The following B3GALT1 variants were observed in gnomAD, a reference collection of about 807,000 sequenced individuals.
B3GALT1 encodes the protein beta-1,3-galactosyltransferase 1, also known as UDP-Gal:betaGlcNAc beta 1,3-galactosyltransferase, polypeptide 1.
In B3GALT1, 10 loss-of-function variants were observed where a neutral mutation model predicts 23.2. The ratio of observed to expected loss-of-function variants is 0.43; its 90% confidence interval spans 0.27 to 0.73. The LOEUF (loss-of-function observed/expected upper bound fraction) is 0.73, where lower values mean the gene tolerates loss of function less well. Ranked by LOEUF, B3GALT1 falls within the 30% of genes least tolerant of loss-of-function variation. B3GALT1 has a pLI of 0.21. For synonymous variants in B3GALT1, 156 were observed against 141.5 expected (o/e 1.10, Z -0.73); for missense variants, 299 against 405.4 (o/e 0.74, Z 2.25).
At chr2:167,679,036 T>G (rs1418347958) in intron 3 of B3GALT1, among the ~76,000 whole-genome samples, 2 of 152,148 alleles carry the variant, frequency 1.3e-5, no homozygotes, top group Admixed American at 6.5e-5. Context: ...TTTATACCTA[T>G]TCTTTTGTAC....
intron 2 of B3GALT1, among the ~76,000 whole-genome samples, chr2:167,562,963 G>A (rs1410557104): frequency 2.0e-5 from 3 of 152,068 alleles, no homozygotes; most frequent in African/African-American, 7.2e-5. Flanking sequence ...CACAGGGTTG[G>A]GGGCAAGGTC....
intron 1 of B3GALT1, among the ~76,000 whole-genome samples, chr2:167,333,082 A>G (rs1696999684): frequency 6.6e-6 from 1 of 152,196 alleles, no homozygotes; most frequent in African/African-American, 2.4e-5. Context: ...AACCATGTGC[A>G]TTTACTTTCA....
chr2:167,741,806 A>G (rs930875745), intron 3 of B3GALT1, among the ~76,000 whole-genome samples: 29 of 152,154 alleles, frequency 1.9e-4, no homozygotes, highest in African/African-American at 6.5e-4. Context: ...GACTACAATA[A>G]TGGAGTTGAG....
In B3GALT1 at chr2:167,834,419, G is replaced by A. The variant is rs185807027; in HGVS notation, c.-230+15626G>A. On this transcript the variant is annotated intron_variant, in intron 4 of 4. Coordinates refer to ENST00000392690, the MANE Select transcript of B3GALT1 (RefSeq NM_020981.4). ...AAAATGAGAAGATGGAGAAAGATTG[G>A]CTTGTCCTGGCTTGTCCGTCCTTGA... Among the ~76,000 whole-genome samples the A allele has an allele frequency of 2.0e-3, 298 of 152,254 alleles. 2 individuals carry two copies. The highest frequency in any genetic ancestry group is 5.2e-3 in the Admixed American group (80 of 15,294).
chr2:167,366,126 C>G (rs889210829), intron 1 of B3GALT1, among the ~76,000 whole-genome samples: 1 of 152,068 alleles, frequency 6.6e-6, no homozygotes, highest in Non-Finnish European at 1.5e-5. Flanking sequence ...GTAATTTATT[C>G]TCTGAAATTA....
intron 3 of B3GALT1, among the ~76,000 whole-genome samples, chr2:167,804,156 A>AT (rs1254930534): frequency 2.0e-5 from 3 of 151,766 alleles, no homozygotes; most frequent in Non-Finnish European, 4.4e-5. Context: ...CGTCCAGCTG[A>AT]TTTTTGTATT....
At chr2:167,609,439 G>T (rs1465168407) in intron 2 of B3GALT1, among the ~76,000 whole-genome samples, 1 of 152,082 alleles carries the variant, frequency 6.6e-6, no homozygotes, top group East Asian at 1.9e-4. Flanking sequence ...ATAAGGTAGG[G>T]TGGGACGAGT....
intron 3 of B3GALT1, among the ~76,000 whole-genome samples, chr2:167,707,524 T>G (rs1248777045): frequency 6.6e-6 from 1 of 151,952 alleles, no homozygotes; most frequent in African/African-American, 2.4e-5. Context: ...TTTTCCGGCT[T>G]CTAGAAGCAG....
intron 2 of B3GALT1, among the ~76,000 whole-genome samples, chr2:167,514,070 C>T (rs1190376598): frequency 6.6e-6 from 1 of 152,058 alleles, no homozygotes; most frequent in African/African-American, 2.4e-5. Flanking sequence ...CCACGCCCAG[C>T]TAATTTTTTT....
At chr2:167,636,174 A>C (rs866382245) in intron 2 of B3GALT1, among the ~76,000 whole-genome samples, 1 of 152,032 alleles carries the variant, frequency 6.6e-6, no homozygotes. Context: ...GAGGAGATTA[A>C]GACTCTCAGA....
chr2:167,485,821 A>G (rs908622560), intron 1 of B3GALT1, among the ~76,000 whole-genome samples: 1 of 152,204 alleles, frequency 6.6e-6, no homozygotes, highest in Non-Finnish European at 1.5e-5. Flanking sequence ...CAGTGCCATT[A>G]GTTAGATTTT....
intron 2 of B3GALT1, among the ~76,000 whole-genome samples, chr2:167,548,685 AGTGTGT>A (rs71031297): frequency 0.06 from 8,744 of 144,764 alleles, 722 homozygotes; most frequent in African/African-American, 0.19. Flanking sequence ...CGTGTGTGTG[AGTGTGT>A]GTGTGTGTGT....
intron 1 of B3GALT1, among the ~76,000 whole-genome samples, chr2:167,410,751 AT>A (rs1289601275): frequency 3.3e-5 from 5 of 152,036 alleles, no homozygotes; most frequent in Non-Finnish European, 7.4e-5. Context: ...AAGTAAAAAA[AT>A]AAAATAAAAT....
At chr2:167,360,174 AC>A (rs1268997278) in intron 1 of B3GALT1, among the ~76,000 whole-genome samples, 1 of 152,200 alleles carries the variant, frequency 6.6e-6, no homozygotes, top group African/African-American at 2.4e-5. Flanking sequence ...TGACATGTAA[AC>A]TATTAATATT....
At chr2:167,521,980 GTGTGTATATATA>G (rs1700193892) in intron 2 of B3GALT1, among the ~76,000 whole-genome samples, 1 of 128,136 alleles carries the variant, frequency 7.8e-6, no homozygotes, top group South Asian at 2.6e-4. Flanking sequence ...GTGTGTGTGT[GTGTGTATATATA>G]TATATATATA....
intron 2 of B3GALT1, among the ~76,000 whole-genome samples, chr2:167,645,582 G>A (rs1297888489): frequency 3.0e-5 from 1 of 32,864 alleles, no homozygotes; most frequent in Admixed American, 4.9e-4. Flanking sequence ...TTTTTTTTGA[G>A]ATGGAGTCTC....
Position 167,690,986 on chromosome 2 carries a change from C to T in B3GALT1, c.-352+44020C>T, listed in dbSNP as rs187301421. On this transcript the variant is annotated intron_variant, in intron 3 of 4. Coordinates refer to ENST00000392690, the MANE Select transcript of B3GALT1 (RefSeq NM_020981.4). ...GAGTCTTAATTTCATAGTTTTTAAA[C>T]GGGAAATAACAATAAGAATGCAAAC... Among the ~76,000 whole-genome samples the T allele has an allele frequency of 3.9e-5, 6 of 151,914 alleles. No homozygotes were observed. The East Asian group carries it at 5.8e-4, about 15-fold the overall frequency.
chr2:167,542,878 T>C (rs1683556040), intron 2 of B3GALT1, among the ~76,000 whole-genome samples: 1 of 152,044 alleles, frequency 6.6e-6, no homozygotes, highest in Admixed American at 6.6e-5. Flanking sequence ...AGATGTATAT[T>C]GTTTATTTAT....
chr2:167,734,644 A>G (rs890605383), intron 3 of B3GALT1, among the ~76,000 whole-genome samples: 7 of 152,042 alleles, frequency 4.6e-5, no homozygotes, highest in Non-Finnish European at 7.4e-5. Context: ...TCAAATATGG[A>G]TTTCAGAGGA....
Sources: gnomAD v4.1 joint callset for allele counts (sites outside exome capture counted in the v4.1 genomes callset) on GRCh38, gnomAD v4.1.1 for gene constraint, MANE v1.5 for transcripts, NCBI Gene and HGNC (gene_info 2026-07-23, HGNC 2026-07-21) for gene names.